Variants in DPRX observed in about 807,000 individuals in gnomAD.
DPRX encodes divergent-paired related homeobox, also known as divergent paired-related homeobox.
Under a neutral mutation model 8.4 loss-of-function variants are expected in DPRX, and 11 were observed. That is an observed-to-expected ratio of 1.31 (90% CI 0.82 to 2.17). The LOEUF (loss-of-function observed/expected upper bound fraction) is 2.17. Among genes scored for constraint, DPRX ranks in the 30% most tolerant of loss-of-function variants. The pLI is 0.00. For missense variants in DPRX, 211 were observed against 236.7 expected, an observed-to-expected ratio of 0.89 and a Z score of 0.71; for synonymous variants, 72 against 87.0, an observed-to-expected ratio of 0.83 and a Z score of 0.96.
At chr19:53,626,191 G>T in the DPRX span, among the ~76,000 whole-genome samples, 1 of 152,088 alleles carries the variant, frequency 6.6e-6, no homozygotes, top group Non-Finnish European at 1.5e-5. Flanking sequence ...ACCAGCCTTG[G>T]CTTCCCAAAA....
chr19:53,612,694 G>A, the DPRX span, among the ~76,000 whole-genome samples: 1 of 152,034 alleles, frequency 6.6e-6, no homozygotes, highest in Admixed American at 6.6e-5. Flanking sequence ...GCAACAGAGT[G>A]AGACTCGGTC....
chr19:53,615,480 C>T, the DPRX span, among the ~76,000 whole-genome samples: 3 of 151,806 alleles, frequency 2.0e-5, no homozygotes, highest in Non-Finnish European at 4.4e-5. Flanking sequence ...GGGGTTTTGC[C>T]ATGTTGGCCA....
upstream of DPRX, among the ~76,000 whole-genome samples, chr19:53,627,788 C>T (rs952561023): frequency 2.0e-5 from 3 of 150,754 alleles, no homozygotes; most frequent in Admixed American, 6.6e-5. Flanking sequence ...TGGTGGCTCA[C>T]GCCTGTACTC....
At chr19:53,618,013 G>A in the DPRX span, among the ~76,000 whole-genome samples, 18 of 151,348 alleles carry the variant, frequency 1.2e-4, no homozygotes, top group African/African-American at 4.1e-4. Context: ...TGGTGGCGGG[G>A]CACCTGTAAT....
chr19:53,625,746 T>C, the DPRX span, among the ~76,000 whole-genome samples: 1 of 151,946 alleles, frequency 6.6e-6, no homozygotes, highest in Non-Finnish European at 1.5e-5. Flanking sequence ...CAAGTGATTC[T>C]CCTGCCTCAG....
chr19:53,629,288 C>T (rs1044406026), upstream of DPRX, among the ~76,000 whole-genome samples: 4 of 143,154 alleles, frequency 2.8e-5, no homozygotes, highest in African/African-American at 1.0e-4. Flanking sequence ...TGCACTCCAG[C>T]CTGGGCAACA....
chr19:53,637,013 A>G (rs2091115908), downstream of DPRX: 1 of 1,571,680 alleles, frequency 6.4e-7, no homozygotes, highest in Non-Finnish European at 8.6e-7. Flanking sequence ...CACATGTTGT[A>G]ATGATGTGTG....
At chr19:53,626,716 T>G in the DPRX span, among the ~76,000 whole-genome samples, 1 of 152,152 alleles carries the variant, frequency 6.6e-6, no homozygotes, top group Non-Finnish European at 1.5e-5. Context: ...TCAAGCACTC[T>G]GTTCGACATC....
chr19:53,630,493 A>G (rs917649413), upstream of DPRX, among the ~76,000 whole-genome samples: 1 of 152,022 alleles, frequency 6.6e-6, no homozygotes, highest in Non-Finnish European at 1.5e-5. Flanking sequence ...TTAAGGCTGC[A>G]TTGAGCTATG....
the DPRX span, chr19:53,601,273 A>G: frequency 2.2e-6 from 1 of 456,006 alleles, no homozygotes; most frequent in Non-Finnish European, 4.4e-6. Flanking sequence ...ACCAATCAAC[A>G]TCCAGACTCC....
chr19:53,617,080 C>T, the DPRX span: 1 of 1,297,814 alleles, frequency 7.7e-7, no homozygotes, highest in Non-Finnish European at 1.1e-6. Context: ...GATCCAGCTT[C>T]CTGTTTACAA....
the DPRX span, among the ~76,000 whole-genome samples, chr19:53,618,106 G>A: frequency 6.7e-6 from 1 of 150,136 alleles, no homozygotes; most frequent in Non-Finnish European, 1.5e-5. Context: ...CGCTGCCACT[G>A]CACTCCAGCC....
chr19:53,632,172 T>C, intron 1 of DPRX, 38 bp downstream of exon 1: 1 of 1,613,378 alleles, frequency 6.2e-7, no homozygotes, highest in Non-Finnish European at 8.5e-7. Flanking sequence ...CAAAGACACG[T>C]GAAGAAGTGG....
chr19:53,633,482 C>T (rs148876844), intron 1 of DPRX, among the ~76,000 whole-genome samples: 3 of 152,068 alleles, frequency 2.0e-5, no homozygotes, highest in East Asian at 1.9e-4. Context: ...AAGGCACAAG[C>T]GATCCCTTAT....
the DPRX span, among the ~76,000 whole-genome samples, chr19:53,626,517 G>A: frequency 6.6e-6 from 1 of 152,188 alleles, no homozygotes; most frequent in Non-Finnish European, 1.5e-5. Flanking sequence ...TCACAGCACT[G>A]CACTCCAGCC....
chr19:53,631,602 A>T (rs533692694), upstream of DPRX, among the ~76,000 whole-genome samples: 19 of 152,116 alleles, frequency 1.2e-4, no homozygotes, highest in African/African-American at 4.6e-4. Context: ...TCTACTAAAA[A>T]TACAAAAATT....
At chr19:53,613,172 A>T in the DPRX span, among the ~76,000 whole-genome samples, 1 of 152,080 alleles carries the variant, frequency 6.6e-6, no homozygotes, top group Non-Finnish European at 1.5e-5. Context: ...CTGCTTCGGA[A>T]GCCTTTGTTT....
the DPRX span, among the ~76,000 whole-genome samples, chr19:53,612,525 G>C: frequency 6.6e-6 from 1 of 152,090 alleles, no homozygotes; most frequent in Non-Finnish European, 1.5e-5. Context: ...TGGCCAACAT[G>C]GTGAAACCTC....
the DPRX span, among the ~76,000 whole-genome samples, chr19:53,602,417 T>A: frequency 6.6e-6 from 1 of 151,338 alleles, no homozygotes; most frequent in African/African-American, 2.4e-5. Context: ...TGGAGTGCAG[T>A]GGCACAATCT....
Sources: allele counts gnomAD v4.1 joint callset (sites outside exome capture counted in the v4.1 genomes callset), GRCh38; gene constraint gnomAD v4.1.1; transcripts MANE v1.5; gene names NCBI Gene and HGNC (gene_info 2026-07-23, HGNC 2026-07-21).